Variants in CCNF observed in about 807,000 individuals in gnomAD.
CCNF encodes cyclin-F.
Under a neutral mutation model 85.4 loss-of-function variants are expected in CCNF, and 30 were observed. That is an observed-to-expected ratio of 0.35 (90% CI 0.26 to 0.48). The LOEUF (loss-of-function observed/expected upper bound fraction) is 0.48, where lower values mean the gene tolerates loss of function less well. CCNF is among the 20% of genes least tolerant of loss of function. The pLI, the probability that CCNF is intolerant of heterozygous loss-of-function variation, is 0.99. For missense variants in CCNF, 919 were observed against 1,010.4 expected, an observed-to-expected ratio of 0.91 and a Z score of 1.23; for synonymous variants, 439 against 425.1, an observed-to-expected ratio of 1.03 and a Z score of -0.40.
chr16:2,448,354 C>T (rs2065373438), intron 10 of CCNF, among the ~76,000 whole-genome samples: 1 of 152,162 alleles, frequency 6.6e-6, no homozygotes, highest in Non-Finnish European at 1.5e-5. Flanking sequence ...TTCTGTCTGC[C>T]TTGTGGCTCT....
Position 2,453,657 on chromosome 16 carries a change from C to G in CCNF, c.1715+120C>G. 1.5e-6 allele frequency: 2 copies of G among 1,318,090 alleles called. No homozygotes were observed. The highest frequency in any genetic ancestry group is 2.6e-5 in the South Asian group (2 of 76,694). The allele number at this position is 1,318,090 out of a possible 1,614,324, so 81.6% of individuals were successfully genotyped here. A position where few individuals can be genotyped will look rare whatever the true frequency, so the allele number is the denominator to read the frequency against. On this transcript the variant is annotated intron_variant, in intron 15 of 16. Coordinates refer to ENST00000397066, the MANE Select transcript of CCNF (RefSeq NM_001761.3). This position sits in a 1 kb window ranked among gnomAD's most constrained non-coding sequence, Gnocchi z 5.6. ...AGGCTTGTCAGGGGAGCAGCAGATCCCAGGACAGTGACCCTGGGACGGAGC... is the reference window on the plus strand; with the variant it reads ...AGGCTTGTCAGGGGAGCAGCAGATCGCAGGACAGTGACCCTGGGACGGAGC...
At chr16:2,441,975 A>ATATATATATG (rs2065324782) in intron 8 of CCNF, among the ~76,000 whole-genome samples, 1 of 91,896 alleles carries the variant, frequency 1.1e-5, no homozygotes, top group Admixed American at 1.1e-4. Flanking sequence ...ATATATATAT[A>ATATATATATG]TATATATGTT....
chr16:2,434,192 G>A (rs1028840452), intron 3 of CCNF, among the ~76,000 whole-genome samples: 2 of 152,134 alleles, frequency 1.3e-5, no homozygotes, highest in African/African-American at 4.8e-5. Flanking sequence ...TGTAGTCCCA[G>A]CTACTCTGGA....
intron 15 of CCNF, among the ~76,000 whole-genome samples, chr16:2,454,410 A>G (rs894401160): frequency 1.3e-5 from 2 of 152,188 alleles, no homozygotes; most frequent in Non-Finnish European, 2.9e-5. Flanking sequence ...CCATGCAGAT[A>G]CGCACGGCTA....
intron 11 of CCNF, 42 bp downstream of exon 11, chr16:2,449,020 C>A (rs573591758): frequency 5.2e-6 from 6 of 1,155,452 alleles, no homozygotes; most frequent in Non-Finnish European, 6.5e-6. Context: ...TTCGTTGTCG[C>A]TGTGCTGGAG....
chr16:2,439,700 T>G, intron 7 of CCNF, 49 bp from the exon 8 acceptor site: 1 of 1,502,614 alleles, frequency 6.7e-7, no homozygotes, highest in Non-Finnish European at 9.3e-7. Flanking sequence ...GGTTCTGAGT[T>G]CCTCCCAAGA....
rs772632798 is a variant in CCNF at position 2,432,966 on chromosome 16, C to A, written c.177C>A (p.His59Gln). ...CGGCCCCCGTTGTTCTGCAGGTACA[C>A]TCCCAGCTGAAGGACCTGGTGGACA... ...VEDILAVRAV[H>Q]SQLKDLVDNH... is the part of the protein sequence containing the mutation. The change falls in exon 3 of 17, where the codon CAC becomes CAA. Residue 59 changes from histidine (H) to glutamine (Q), a missense_variant. Transcript: ENST00000397066. The A allele has an allele frequency of 1.2e-6, 2 of 1,601,736 alleles. No homozygotes were observed. Among genetic ancestry groups the A allele is most frequent in the South Asian group, 1.1e-5 (1 of 90,462 alleles).
At chr16:2,447,692 AG>A (rs1230010495) in intron 10 of CCNF, among the ~76,000 whole-genome samples, 1 of 151,996 alleles carries the variant, frequency 6.6e-6, no homozygotes, top group African/African-American at 2.4e-5. Flanking sequence ...CGGAGGTTGC[AG>A]TGAGCTGAGA....
intron 3 of CCNF, 136 bp from the exon 4 acceptor site, chr16:2,435,662 CACACATAT>C (rs1243061374): frequency 3.3e-4 from 21 of 62,896 alleles, no homozygotes; most frequent in African/African-American, 1.7e-3. Flanking sequence ...TATGCACACA[CACACATAT>C]ATATATATAT....
intron 1 of CCNF, among the ~76,000 whole-genome samples, chr16:2,430,199 G>T (rs1437050877): frequency 1.3e-5 from 2 of 152,092 alleles, no homozygotes; most frequent in Non-Finnish European, 2.9e-5. Context: ...GAGGGATTTG[G>T]GCCCACAGAG....
At chr16:2,431,393 C>A in intron 2 of CCNF, 109 bp downstream of exon 2, 1 of 1,239,904 alleles carries the variant, frequency 8.1e-7, no homozygotes, top group Non-Finnish European at 1.1e-6. Context: ...GAGGTTGGGG[C>A]AGAGGCCAGG....
rs574631247 is a variant in CCNF at position 2,429,868 on chromosome 16, G to A, written c.16+371G>A. Among the ~76,000 whole-genome samples the A allele has an allele frequency of 5.9e-5, 9 of 152,212 alleles. No individual in the cohort carries two copies. In the East Asian group the frequency reaches 1.7e-3, roughly 30 times the overall value. On this transcript the variant is annotated intron_variant, in intron 1 of 16. Coordinates refer to ENST00000397066, the MANE Select transcript of CCNF (RefSeq NM_001761.3). ...GGGAAAGGGCTGCGGAGCGCGTGGG[G>A]GCGAAGCGATCCCGCAGCCCGGCCG...
chr16:2,449,476 C>T lies in CCNF; in HGVS notation c.1399+14C>T, dbSNP rs760464210. On this transcript the variant is annotated intron_variant, in intron 12 of 16. Coordinates refer to ENST00000397066, the MANE Select transcript of CCNF (RefSeq NM_001761.3). Reference sequence around the variant, plus strand: ...CGCACGGGCAGAGTAAGGAGTGGCCCTTCCCAGGGATGCCTGTGTCGGGGA... The same window carrying T: ...CGCACGGGCAGAGTAAGGAGTGGCCTTTCCCAGGGATGCCTGTGTCGGGGA... 5 of 1,594,066 alleles carry T rather than the reference C, an allele frequency of 3.1e-6. No individual in the cohort carries two copies. The highest frequency in any genetic ancestry group is 1.3e-5 in the African/African-American group (1 of 74,764).
intron 1 of CCNF, among the ~76,000 whole-genome samples, chr16:2,430,030 G>C (rs1340122916): frequency 2.6e-5 from 4 of 152,232 alleles, no homozygotes; most frequent in African/African-American, 9.7e-5. Flanking sequence ...CCTGGAGCCG[G>C]AGAATGAGGA....
Position 2,445,494 on chromosome 16 carries a change from C to A in CCNF, c.966C>A (p.Thr322=). ...ILIDWLVEVA[T]MKDFTSLCLH... is the part of the protein sequence containing the mutation. ...TCGACTGGCTGGTGGAAGTTGCCAC[C>A]ATGAAGGACTTCACAAGCCTGTGCC... The change falls in exon 10 of 17, where the codon ACC becomes ACA. Residue 322 remains threonine (T), a synonymous_variant. Coordinates refer to ENST00000397066, the MANE Select transcript of CCNF (RefSeq NM_001761.3). 4 of 1,614,020 alleles carry A rather than the reference C, an allele frequency of 2.5e-6. No individual in the cohort carries two copies. Among genetic ancestry groups the A allele is most frequent in the Non-Finnish European group, 2.5e-6 (3 of 1,180,028 alleles).
At chr16:2,439,969 C>G in intron 8 of CCNF, 143 bp downstream of exon 8, 1 of 689,480 alleles carries the variant, frequency 1.5e-6, no homozygotes, top group South Asian at 1.6e-5. Context: ...ACCCTAAGAT[C>G]GGTTCAGCAC....
At position 2,456,359 on chromosome 16, in the gene CCNF, C is replaced by CAT. The variant is rs2065427514; in HGVS notation, c.1886-185_1886-184dup. The CAT allele has an allele frequency of 2.1e-6, 1 of 480,924 alleles. No homozygotes were observed. Among genetic ancestry groups the CAT allele is most frequent in the African/African-American group, 2.0e-5 (1 of 51,074 alleles). The allele number at this position is 480,924 out of a possible 1,614,324, so 29.8% of individuals were successfully genotyped here. A position where few individuals can be genotyped will look rare whatever the true frequency, so the allele number is the denominator to read the frequency against. On this transcript the variant is annotated intron_variant, in intron 16 of 16. Transcript: ENST00000397066. This position sits in a 1 kb window ranked among gnomAD's most constrained non-coding sequence, Gnocchi z 4.5. ...TTGTCATCTCCACATTTGTTGGAGT[C>CAT]ATGGCGGGCAGCTGTCCAACTTGGA...
chr16:2,436,904 C>A, intron 4 of CCNF: 1 of 369,288 alleles, frequency 2.7e-6, no homozygotes. Flanking sequence ...CCGGGAGGAC[C>A]ACAGCAGGGG....
At chr16:2,434,385 C>T (rs1219415421) in intron 3 of CCNF, among the ~76,000 whole-genome samples, 2 of 152,124 alleles carry the variant, frequency 1.3e-5, no homozygotes, top group South Asian at 2.1e-4. Flanking sequence ...GAGACCAAGG[C>T]GGGCGGATCA....
Sources: allele counts gnomAD v4.1 joint callset (sites outside exome capture counted in the v4.1 genomes callset), GRCh38; gene constraint gnomAD v4.1.1; non-coding constraint Gnocchi (gnomAD v3.1); transcripts MANE v1.5; gene names NCBI Gene and HGNC (gene_info 2026-07-23, HGNC 2026-07-21).